SPTA1: variants seen among roughly 807,000 people sequenced by gnomAD.
SPTA1 encodes the protein spectrin alpha chain, erythrocytic 1.
A neutral mutation model predicts 324.7 loss-of-function variants in SPTA1; 177 were observed. The ratio of observed to expected loss-of-function variants is 0.55; its 90% confidence interval spans 0.48 to 0.62. The LOEUF (loss-of-function observed/expected upper bound fraction) is 0.62, where lower values mean the gene tolerates loss of function less well. SPTA1 is among the 20% of genes least tolerant of loss of function. The probability of loss-of-function intolerance (pLI) is 0.00; values close to 1 mark genes in which losing one functional copy is unlikely to be tolerated. For synonymous variants in SPTA1, 1,195 were observed against 1,041.3 expected (o/e 1.15, Z -2.84); for missense variants, 3,162 against 2,883.6 (o/e 1.10, Z -2.21).
In SPTA1 at chr1:158,673,709, G is replaced by A. The variant is rs114954459; in HGVS notation, c.1350+620C>T. ...CTAGAGATGAGCATGGGAAGGTCAC[G>A]AAACTGGGCATACGTCAGGAGGCAA... On this transcript the variant is annotated intron_variant, in intron 10 of 51. Coordinates refer to ENST00000643759, the MANE Select transcript of SPTA1 (RefSeq NM_003126.4). Among the ~76,000 whole-genome samples the A allele has an allele frequency of 6.2e-3, 947 of 152,266 alleles. 12 individuals carry two copies. Among genetic ancestry groups the A allele is most frequent in the African/African-American group, 0.022 (910 of 41,550 alleles).
intron 18 of SPTA1, among the ~76,000 whole-genome samples, chr1:158,658,173 T>A (rs1334298710): frequency 2.6e-5 from 4 of 152,142 alleles, no homozygotes. Context: ...GAGATATATT[T>A]TATAATTGCC....
intron 43 of SPTA1, among the ~76,000 whole-genome samples, chr1:158,621,831 G>A (rs1482295211): frequency 6.6e-6 from 1 of 152,118 alleles, no homozygotes; most frequent in African/African-American, 2.4e-5. Flanking sequence ...TAGGGTCTAG[G>A]AGTGCTCAGT....
At chr1:158,628,673 T>C (rs1002312817) in intron 39 of SPTA1, among the ~76,000 whole-genome samples, 1 of 152,182 alleles carries the variant, frequency 6.6e-6, no homozygotes, top group South Asian at 2.1e-4. Flanking sequence ...ATATGTATAC[T>C]GCATGAAATA....
At chr1:158,644,626 A>G (rs1490770406) in intron 29 of SPTA1, among the ~76,000 whole-genome samples, 1 of 152,058 alleles carries the variant, frequency 6.6e-6, no homozygotes, top group Non-Finnish European at 1.5e-5. Flanking sequence ...GCTATTTCCT[A>G]TTTCTTAAAC....
chr1:158,636,495 AAAG>A (rs1651080349), intron 37 of SPTA1, 143 bp downstream of exon 37: 2 of 955,732 alleles, frequency 2.1e-6, no homozygotes, highest in African/African-American at 3.3e-5. Context: ...GTGGAAGAGA[AAAG>A]AATATTTGTA....
chr1:158,634,614 C>T lies in SPTA1; in HGVS notation c.5494G>A (p.Glu1832Lys). ...GCATTCTTTTCATTGATCCAAGCTT[C>T]CTCTTCCTCAGCATTCTGCATGAAT... The part of the protein sequence containing the change: ...LQFMQNAEEE[E>K]AWINEKNALA... Residue 1832 changes from glutamate (E) to lysine (K), a missense_variant, in exon 39 of 52, where the codon GAA (glutamate) becomes AAA (lysine). Transcript: ENST00000643759. 6.2e-7 allele frequency: 1 copy of T among 1,614,196 alleles called. No individual in the cohort carries two copies. Among genetic ancestry groups the T allele is most frequent in the Non-Finnish European group, 8.5e-7 (1 of 1,180,038 alleles).
At chr1:158,643,158 C>G (rs951329675) in intron 31 of SPTA1, among the ~76,000 whole-genome samples, 164 bp downstream of exon 31, 1 of 152,126 alleles carries the variant, frequency 6.6e-6, no homozygotes, top group Non-Finnish European at 1.5e-5. Context: ...TCTTTCATGT[C>G]TTTCATTCTA....
In SPTA1 at chr1:158,672,775, C is replaced by A. The variant is rs189784256; in HGVS notation, c.1351-579G>T. Among the ~76,000 whole-genome samples, 378 of 152,116 alleles carry A rather than the reference C, an allele frequency of 2.5e-3. 2 individuals carry two copies. Among genetic ancestry groups the A allele is most frequent in the African/African-American group, 8.4e-3 (347 of 41,514 alleles). Reference sequence around the variant, plus strand: ...GTGCCCAAGAATTTCCAGCTTGTTACACCTGCAGCTGTATTATCTCCGTCA... The same window carrying A: ...GTGCCCAAGAATTTCCAGCTTGTTAAACCTGCAGCTGTATTATCTCCGTCA... On this transcript the variant is annotated intron_variant, in intron 10 of 51. Transcript: ENST00000643759.
chr1:158,645,414 G>A (rs1032745358), intron 28 of SPTA1, 29 bp from the exon 29 acceptor site: 5 of 1,613,844 alleles, frequency 3.1e-6, no homozygotes, highest in African/African-American at 1.3e-5. Context: ...AGAAATCAGT[G>A]AGGCCAACTC....
chr1:158,617,438 A>T, intron 47 of SPTA1, 99 bp downstream of exon 47: 1 of 929,512 alleles, frequency 1.1e-6, no homozygotes, highest in Non-Finnish European at 1.7e-6. Context: ...TTCAGGTGAT[A>T]CATACCTAAA....
rs759204172 is a variant in SPTA1 at position 158,626,826 on chromosome 1, T to A, written c.5833+13A>T. 34 of 1,613,356 alleles carry A rather than the reference T, an allele frequency of 2.1e-5. No homozygotes were observed. Among genetic ancestry groups the A allele is most frequent in the Non-Finnish European group, 2.6e-5 (31 of 1,179,518 alleles). On this transcript the variant is annotated intron_variant, in intron 41 of 51. Coordinates refer to ENST00000643759, the MANE Select transcript of SPTA1 (RefSeq NM_003126.4). Reference sequence around the variant, plus strand: ...TCTCAAACCCAAGGGACCCTGAACCTGACACATCATACCTATCCAAGCCTC... The same window carrying A: ...TCTCAAACCCAAGGGACCCTGAACCAGACACATCATACCTATCCAAGCCTC...
rs772144172 is a variant in SPTA1, at chr1:158,643,469, G to T, written c.4339-44C>A. 7.6e-6 allele frequency: 12 copies of T among 1,573,724 alleles called. No homozygotes were observed. The East Asian group carries it at 1.8e-4, about 24-fold the overall frequency. On this transcript the variant is annotated intron_variant, in intron 30 of 51. Coordinates refer to ENST00000643759, the MANE Select transcript of SPTA1 (RefSeq NM_003126.4). Reference sequence around the variant, plus strand: ...AAGAGCCCAGATGCTTGGAGATTAGGCTCTTGGTGCAATCCCAGACTCCCT... The same window carrying T: ...AAGAGCCCAGATGCTTGGAGATTAGTCTCTTGGTGCAATCCCAGACTCCCT...
chr1:158,643,124 A>C, intron 31 of SPTA1, 148 bp from the exon 32 acceptor site: 7 of 1,301,648 alleles, frequency 5.4e-6, no homozygotes, highest in Non-Finnish European at 7.5e-6. Context: ...TGCTAAAGCC[A>C]GTTAATTTCT....
chr1:158,623,003 T>C lies in SPTA1; in HGVS notation c.6100A>G (p.Lys2034Glu). 1 of 1,614,194 alleles carries C rather than the reference T, an allele frequency of 6.2e-7. No individual in the cohort carries two copies. Among genetic ancestry groups the C allele is most frequent in the South Asian group, 1.1e-5 (1 of 91,078 alleles). ...TAAACCTTCTGTAGAGGCAGCTGTT[T>C]CTCCAGCAATTTCTGTCTGTGGACT... ...SAVHRQKLLE[K>E]QLPLQKAEDL... Residue 2034 changes from lysine to glutamate, a missense_variant, in exon 43 of 52, where the codon AAA (lysine) becomes GAA (glutamate). By Grantham distance (56) the Lys-to-Glu change is moderately conservative (BLOSUM62 1). Transcript: ENST00000643759.
At chr1:158,643,513 T>C (rs1264783866) in intron 30 of SPTA1, 88 bp from the exon 31 acceptor site, 1 of 1,289,426 alleles carries the variant, frequency 7.8e-7, no homozygotes, top group Non-Finnish European at 1.1e-6. Context: ...AGAATGAAGG[T>C]ATCCTTTGTG....
At chr1:158,645,166 A>G (rs1422171008) in intron 29 of SPTA1, 22 bp downstream of exon 29, 5 of 1,613,610 alleles carry the variant, frequency 3.1e-6, no homozygotes, top group East Asian at 2.2e-5. Context: ...AACCTGCTTA[A>G]CAATTGGGAA....
chr1:158,651,458 G>C lies in SPTA1; in HGVS notation c.3386C>G (p.Thr1129Ser), dbSNP rs1264648486. The change falls in exon 24 of 52, where the codon ACC becomes AGC. Residue 1129 changes from threonine (T) to serine (S), a missense_variant. Thr to Ser is a moderately conservative substitution (Grantham distance 58). Coordinates refer to ENST00000643759, the MANE Select transcript of SPTA1 (RefSeq NM_003126.4). ...GATATCCCTTAGCCGAGGCTCATTG[G>C]TATTCAAATCCTGAATGGGAAAATT... ...KFDEFQKDLNTNEPRLRDINK... is the reference protein window; with the variant it reads ...KFDEFQKDLNSNEPRLRDINK... 2 of 1,611,462 alleles carry C rather than the reference G, an allele frequency of 1.2e-6. No homozygotes were observed. The highest frequency in any genetic ancestry group is 1.7e-6 in the Non-Finnish European group (2 of 1,177,958).
At chr1:158,651,330 C>A in intron 24 of SPTA1, 37 bp downstream of exon 24, 2 of 1,429,772 alleles carry the variant, frequency 1.4e-6, no homozygotes, top group Non-Finnish European at 2.0e-6. Context: ...CAAAGCCCAA[C>A]CTGGTAGTGA....
Position 158,653,360 on chromosome 1 carries a change from C to T in SPTA1, c.3102G>A (p.Leu1034=). 6.2e-7 allele frequency: 1 copy of T among 1,614,118 alleles called. No homozygotes were observed. Among genetic ancestry groups the T allele is most frequent in the South Asian group, 1.1e-5 (1 of 91,068 alleles). The change falls in exon 22 of 52, where the codon CTG becomes CTA. Residue 1034 remains leucine (L), a synonymous_variant. Coordinates refer to ENST00000643759, the MANE Select transcript of SPTA1 (RefSeq NM_003126.4). ...GIVPAVYVRR[L]AHDEFPMLPQ... ...GGAGCATCGGGAACTCATCGTGGGC[C>T]AGTCTTCTGACATAGACAGCTGGGA...
Sources: allele counts gnomAD v4.1 joint callset (sites outside exome capture counted in the v4.1 genomes callset), GRCh38; gene constraint gnomAD v4.1.1; transcripts MANE v1.5; gene names NCBI Gene and HGNC (gene_info 2026-07-23, HGNC 2026-07-21).